PLCL1: variants seen among roughly 807,000 people sequenced by gnomAD.
PLCL1 encodes the protein inactive phospholipase C-like protein 1.
In PLCL1, 41 loss-of-function variants were observed where a neutral mutation model predicts 84.4. The ratio of observed to expected loss-of-function variants is 0.49; its 90% confidence interval spans 0.38 to 0.63. The LOEUF is 0.63. Among genes scored for constraint, PLCL1 ranks in the 30% least tolerant of loss-of-function variants. The pLI is 0.00. For missense variants in PLCL1, 1,206 were observed against 1,367.8 expected (o/e 0.88, Z 1.87); for synonymous variants, 490 against 488.3 (o/e 1.00, Z -0.05).
intron 1 of PLCL1, among the ~76,000 whole-genome samples, chr2:197,943,330 A>G (rs935297616): frequency 1.8e-4 from 28 of 152,194 alleles, no homozygotes; most frequent in African/African-American, 6.5e-4. Flanking sequence ...TTACATGAAA[A>G]TAATTATTAA....
chr2:198,097,474 T>C (rs1295193392), intron 3 of PLCL1, among the ~76,000 whole-genome samples: 1 of 152,170 alleles, frequency 6.6e-6, no homozygotes, highest in Non-Finnish European at 1.5e-5. Flanking sequence ...AGTAAGGTAG[T>C]CAAATTGGCC....
intron 5 of PLCL1, among the ~76,000 whole-genome samples, chr2:198,113,032 A>G (rs1312464939): frequency 6.6e-6 from 1 of 151,962 alleles, no homozygotes; most frequent in African/African-American, 2.4e-5. Flanking sequence ...TATAAAGTGT[A>G]GAGTATACAT....
At chr2:197,991,882 T>C (rs1202277234) in intron 1 of PLCL1, among the ~76,000 whole-genome samples, 1 of 152,108 alleles carries the variant, frequency 6.6e-6, no homozygotes, top group East Asian at 1.9e-4. Context: ...CTGTCTTCTG[T>C]GGGGCCTGGA....
chr2:197,888,331 A>G (rs1687957756), intron 1 of PLCL1, among the ~76,000 whole-genome samples: 1 of 152,090 alleles, frequency 6.6e-6, no homozygotes, highest in African/African-American at 2.4e-5. Flanking sequence ...TGTTTCAAAT[A>G]TTTGTTCCCA....
intron 1 of PLCL1, among the ~76,000 whole-genome samples, chr2:197,858,433 T>C (rs978900147): frequency 3.9e-5 from 6 of 152,308 alleles, no homozygotes; most frequent in African/African-American, 4.8e-5. Context: ...TCCATTCTGA[T>C]TTTTCCTCTA....
intron 5 of PLCL1, among the ~76,000 whole-genome samples, chr2:198,138,480 A>G (rs1694309184): frequency 6.6e-6 from 1 of 152,200 alleles, no homozygotes; most frequent in Admixed American, 6.5e-5. Flanking sequence ...GTGGGGACAC[A>G]GAGCCAAACC....
chr2:197,887,632 A>G (rs1687946629), intron 1 of PLCL1, among the ~76,000 whole-genome samples: 1 of 152,170 alleles, frequency 6.6e-6, no homozygotes, highest in Non-Finnish European at 1.5e-5. Context: ...GTACAAGCAC[A>G]GTTATGTTAC....
intron 1 of PLCL1, among the ~76,000 whole-genome samples, chr2:198,072,228 C>G (rs932921551): frequency 6.6e-6 from 1 of 151,726 alleles, no homozygotes; most frequent in African/African-American, 2.4e-5. Flanking sequence ...ATCTTAATTA[C>G]TGATTTGAAT....
chr2:197,921,027 T>TA (rs1221185857), intron 1 of PLCL1, among the ~76,000 whole-genome samples: 1 of 152,232 alleles, frequency 6.6e-6, no homozygotes, highest in Non-Finnish European at 1.5e-5. Context: ...TTGACAGACT[T>TA]AGACGGTGTA....
At chr2:197,901,304 A>G (rs910962941) in intron 1 of PLCL1, among the ~76,000 whole-genome samples, 3 of 152,226 alleles carry the variant, frequency 2.0e-5, no homozygotes, top group Non-Finnish European at 2.9e-5. Flanking sequence ...TGAGGAATTT[A>G]TAATCTAGCA....
At position 197,943,818 on chromosome 2, in the gene PLCL1, A is replaced by G. The variant is rs575500680; in HGVS notation, c.240+138479A>G. On this transcript the variant is annotated intron_variant, in intron 1 of 5. Coordinates refer to ENST00000428675, the MANE Select transcript of PLCL1 (RefSeq NM_006226.4). ...ATGTCTAAGTCTTCTAATATCCCCAAACAGTTCTGTAAAATATCTCTCATT... is the reference window on the plus strand; with the variant it reads ...ATGTCTAAGTCTTCTAATATCCCCAGACAGTTCTGTAAAATATCTCTCATT... Among the ~76,000 whole-genome samples the G allele has an allele frequency of 3.2e-4, 48 of 152,088 alleles. No homozygotes were observed. In the South Asian group the frequency reaches 9.6e-3, roughly 30 times the overall value.
intron 5 of PLCL1, among the ~76,000 whole-genome samples, chr2:198,145,589 G>C (rs550096371): frequency 6.6e-6 from 1 of 152,148 alleles, no homozygotes; most frequent in African/African-American, 2.4e-5. Flanking sequence ...GAAGAAGTTC[G>C]CTTTAACACA....
chr2:197,814,495 C>A (rs2106415806), intron 1 of PLCL1, among the ~76,000 whole-genome samples: 1 of 152,248 alleles, frequency 6.6e-6, no homozygotes, highest in Admixed American at 6.5e-5. Flanking sequence ...CTTGGGCCTC[C>A]TACTCTTTGA....
rs115027009 is a variant in PLCL1, at chr2:197,994,900, A to G, written c.241-88858A>G. Among the ~76,000 whole-genome samples, 689 of 152,322 alleles carry G rather than the reference A, an allele frequency of 4.5e-3. 6 individuals carry two copies. The highest frequency in any genetic ancestry group is 0.016 in the African/African-American group (660 of 41,590). ...GTCCTAGGCATCAGTTTTCTTATCT[A>G]ATCAGAGAACCAGTGAAGAAAGGAG... On this transcript the variant is annotated intron_variant, in intron 1 of 5. Transcript: ENST00000428675.
chr2:197,946,350 C>T (rs1029989335), intron 1 of PLCL1, among the ~76,000 whole-genome samples: 1 of 151,958 alleles, frequency 6.6e-6, no homozygotes, highest in Non-Finnish European at 1.5e-5. Flanking sequence ...AAAATAATGA[C>T]AGTACATACG....
intron 1 of PLCL1, among the ~76,000 whole-genome samples, chr2:198,048,963 C>CCATTGAGCTCAACTTATG (rs1416968818): frequency 7.2e-5 from 11 of 152,114 alleles, no homozygotes; most frequent in Non-Finnish European, 1.6e-4. Flanking sequence ...ATGGCTTATG[C>CCATTGAGCTCAACTTATG]CTCAAGTTGA....
At chr2:198,017,917 A>C (rs947804133) in intron 1 of PLCL1, among the ~76,000 whole-genome samples, 1 of 152,156 alleles carries the variant, frequency 6.6e-6, no homozygotes, top group Non-Finnish European at 1.5e-5. Flanking sequence ...GCCACTTAAG[A>C]CTTACAATTA....
At chr2:197,861,634 T>G (rs888485477) in intron 1 of PLCL1, among the ~76,000 whole-genome samples, 1 of 152,076 alleles carries the variant, frequency 6.6e-6, no homozygotes, top group Non-Finnish European at 1.5e-5. Context: ...GGAGGGGAAG[T>G]CTTGGGGACT....
intron 1 of PLCL1, among the ~76,000 whole-genome samples, chr2:198,007,554 G>A (rs1251020546): frequency 6.6e-6 from 1 of 152,152 alleles, no homozygotes; most frequent in Non-Finnish European, 1.5e-5. Flanking sequence ...AAGTTTCAGT[G>A]AAACAGTGTA....
Sources: allele counts gnomAD v4.1 joint callset (sites outside exome capture counted in the v4.1 genomes callset), GRCh38; gene constraint gnomAD v4.1.1; transcripts MANE v1.5; gene names NCBI Gene and HGNC (gene_info 2026-07-23, HGNC 2026-07-21).